DCC: variants seen among roughly 807,000 people sequenced by gnomAD.
DCC encodes DCC netrin 1 receptor, also known as netrin receptor DCC.
A neutral mutation model predicts 172.5 loss-of-function variants in DCC; 58 were observed. That is an observed-to-expected ratio of 0.34 (90% CI 0.27 to 0.42). The LOEUF is 0.42. DCC is among the 10% of genes least tolerant of loss of function. DCC has a pLI of 1.00. For missense variants in DCC, 1,740 were observed against 1,791.0 expected (o/e 0.97, Z 0.51); for synonymous variants, 709 against 644.5 (o/e 1.10, Z -1.52).
Position 52,752,523 on chromosome 18 carries a change from A to C in DCC, c.412+149A>C, listed in dbSNP as rs116074229. The C allele has an allele frequency of 3.6e-3, 2,539 of 699,592 alleles. 67 individuals are homozygous for C. The African/African-American group carries it at 0.04, about 11-fold the overall frequency. 43.3% of individuals were successfully genotyped at this position (699,592 alleles called of 1,614,324 possible). On this transcript the variant is annotated intron_variant, in intron 2 of 28. Transcript: ENST00000442544. ...TGACAAGTAATTATATATTTTTATG[A>C]AGTACAATGTCATGTTTTGATGTAT...
intron 5 of DCC, among the ~76,000 whole-genome samples, chr18:53,057,466 C>G (rs1599079258): frequency 6.6e-6 from 1 of 151,850 alleles, no homozygotes; most frequent in Admixed American, 6.6e-5. Flanking sequence ...GTTGGGATTC[C>G]TTGTCTCAGC....
intron 1 of DCC, among the ~76,000 whole-genome samples, chr18:52,416,618 C>T (rs1987041013): frequency 6.6e-6 from 1 of 151,440 alleles, no homozygotes; most frequent in Non-Finnish European, 1.5e-5. Context: ...ATCCCTTTAG[C>T]ATTATGTAAT....
At chr18:52,908,623 AGAGACATTAT>A in intron 3 of DCC, among the ~76,000 whole-genome samples, 1 of 151,772 alleles carries the variant, frequency 6.6e-6, no homozygotes, top group Non-Finnish European at 1.5e-5. Context: ...TAAAAGACAC[AGAGACATTAT>A]AATCAAATCC....
chr18:52,472,970 C>T (rs1988989650), intron 1 of DCC, among the ~76,000 whole-genome samples: 1 of 152,064 alleles, frequency 6.6e-6, no homozygotes, highest in South Asian at 2.1e-4. Flanking sequence ...ACCAAAGGAA[C>T]AAAGAGTATT....
chr18:53,529,032 T>A (rs1034237613), intron 28 of DCC, among the ~76,000 whole-genome samples: 817 of 64,914 alleles, frequency 0.013, 13 homozygotes, highest in African/African-American at 0.06. Context: ...TCTCTCTCTC[T>A]CTCTCTCACA....
intron 1 of DCC, among the ~76,000 whole-genome samples, chr18:52,426,476 T>C (rs1294978064): frequency 2.0e-5 from 3 of 151,542 alleles, no homozygotes; most frequent in African/African-American, 7.3e-5. Flanking sequence ...ATGACCAGTT[T>C]TATCTACACT....
At chr18:53,450,397 GA>G in intron 22 of DCC, 102 bp from the exon 23 acceptor site, 1 of 1,338,028 alleles carries the variant, frequency 7.5e-7, no homozygotes, top group East Asian at 2.3e-5. Flanking sequence ...CCTAAGTTCA[GA>G]AAAGCCCAGA....
chr18:53,448,255 A>T (rs1414767884), intron 22 of DCC, among the ~76,000 whole-genome samples: 1 of 152,184 alleles, frequency 6.6e-6, no homozygotes, highest in African/African-American at 2.4e-5. Context: ...TAAAGGAAAG[A>T]GGTTTAATTG....
intron 1 of DCC, among the ~76,000 whole-genome samples, chr18:52,520,093 A>G (rs753100322): frequency 6.6e-6 from 1 of 152,182 alleles, no homozygotes; most frequent in Non-Finnish European, 1.5e-5. Flanking sequence ...AGCCTACTGA[A>G]GCACCAGTCA....
intron 1 of DCC, among the ~76,000 whole-genome samples, chr18:52,400,385 G>C (rs950507449): frequency 6.6e-6 from 1 of 151,884 alleles, no homozygotes; most frequent in Non-Finnish European, 1.5e-5. Flanking sequence ...CAGTTCAAAA[G>C]TCAAAGTGTG....
rs766940670 is a variant in DCC at position 53,460,274 on chromosome 18, GTTT to G, written c.3619+843_3619+845del. 3.8e-3 allele frequency among the ~76,000 whole-genome samples: 305 copies of G among 81,032 alleles called. 1 individual carries two copies. Among genetic ancestry groups the G allele is most frequent in the Middle Eastern group, 0.027 (2 of 74 alleles). 53.2% of individuals were successfully genotyped at this position (81,032 alleles called of 152,430 possible). On this transcript the variant is annotated intron_variant, in intron 24 of 28. Transcript: ENST00000442544. ...TGTGATTATAGAATGAGGAGCTCCT[GTTT>G]TTTTTTTTTTTTTTTTTTTTTTTTT...
At chr18:53,332,575 A>C (rs1316080178) in intron 14 of DCC, among the ~76,000 whole-genome samples, 1 of 152,146 alleles carries the variant, frequency 6.6e-6, no homozygotes, top group Admixed American at 6.5e-5. Context: ...ATGGTTTGAA[A>C]ATTTTTAATG....
At chr18:53,493,270 A>G (rs2045979677) in intron 26 of DCC, among the ~76,000 whole-genome samples, 1 of 152,150 alleles carries the variant, frequency 6.6e-6, no homozygotes, top group Non-Finnish European at 1.5e-5. Context: ...TCTTCTGCAA[A>G]CAGAGACAAT....
chr18:52,557,991 C>T (rs939155694), intron 1 of DCC, among the ~76,000 whole-genome samples: 5 of 152,088 alleles, frequency 3.3e-5, no homozygotes, highest in Non-Finnish European at 7.4e-5. Flanking sequence ...TTTTGTTTTG[C>T]TTTATAAATA....
At chr18:52,777,494 C>T (rs982164793) in intron 2 of DCC, among the ~76,000 whole-genome samples, 1 of 152,110 alleles carries the variant, frequency 6.6e-6, no homozygotes, top group Non-Finnish European at 1.5e-5. Flanking sequence ...ATTTAGAGCC[C>T]ACCATGATAG....
At chr18:53,306,713 A>G (rs4940252) in intron 13 of DCC, among the ~76,000 whole-genome samples, 69,295 of 152,140 alleles carry the variant, frequency 0.46, 16,451 homozygotes, top group Non-Finnish European at 0.53. Context: ...TTGTCAATCA[A>G]CATTTTATGT....
At chr18:53,348,813 A>T (rs2057754320) in intron 15 of DCC, among the ~76,000 whole-genome samples, 1 of 152,136 alleles carries the variant, frequency 6.6e-6, no homozygotes, top group Non-Finnish European at 1.5e-5. Flanking sequence ...AACACAAGGC[A>T]CCAAGTCCCT....
At chr18:52,798,664 G>T (rs772279732) in intron 2 of DCC, among the ~76,000 whole-genome samples, 3 of 152,210 alleles carry the variant, frequency 2.0e-5, no homozygotes, top group Non-Finnish European at 2.9e-5. Flanking sequence ...AACCTGAAAA[G>T]GGTGAGTAGG....
intron 2 of DCC, among the ~76,000 whole-genome samples, chr18:52,894,062 T>C (rs1347077751): frequency 6.6e-6 from 1 of 152,212 alleles, no homozygotes; most frequent in Non-Finnish European, 1.5e-5. Flanking sequence ...CTTCTCTGTC[T>C]AGAATGTCCT....
Sources: gnomAD v4.1 joint callset for allele counts (sites outside exome capture counted in the v4.1 genomes callset) on GRCh38, gnomAD v4.1.1 for gene constraint, MANE v1.5 for transcripts, NCBI Gene and HGNC (gene_info 2026-07-23, HGNC 2026-07-21) for gene names.